Variants in LMLN observed in about 807,000 individuals in gnomAD.
LMLN encodes leishmanolysin like peptidase, also known as leishmanolysin-like peptidase.
LMLN carries 70 observed loss-of-function variants against 92.3 expected under a neutral mutation model. That is an observed-to-expected ratio of 0.76 (90% CI 0.63 to 0.92). LMLN has a LOEUF of 0.92. Among genes scored for constraint, LMLN ranks in the 40% least tolerant of loss-of-function variants. The pLI is 0.00. For missense variants in LMLN, 691 were observed against 814.6 expected, an observed-to-expected ratio of 0.85 and a Z score of 1.85; for synonymous variants, 308 against 296.2, an observed-to-expected ratio of 1.04 and a Z score of -0.41.
At chr3:198,014,631 A>C (rs1480157502) in intron 11 of LMLN, among the ~76,000 whole-genome samples, 1 of 116,842 alleles carries the variant, frequency 8.6e-6, no homozygotes, top group Admixed American at 8.5e-5. Flanking sequence ...CCCCCTAACT[A>C]GTCTGACTTC....
At position 198,035,814 on chromosome 3, in the gene LMLN, A is replaced by AT. The variant is rs750337225; in HGVS notation, c.1657-12dup. 5.7e-6 allele frequency: 9 copies of AT among 1,573,366 alleles called. No homozygotes were observed. The highest frequency in any genetic ancestry group is 2.2e-5 in the East Asian group (1 of 44,670). On this transcript the variant is annotated intron_variant, in intron 14 of 15. Coordinates refer to ENST00000330198, the Ensembl canonical transcript of LMLN. The stretch of plus-strand genomic sequence containing the variant: ...TGATATTTATTATTTTTATATATCT[A>AT]TTTTTTTCCTGTTTGAAGGTTTCTT...
chr3:198,005,115 ACG>A (rs1722256393), intron 11 of LMLN, among the ~76,000 whole-genome samples: 1 of 6,688 alleles, frequency 1.5e-4, no homozygotes, highest in African/African-American at 3.0e-4. Context: ...TACATATCAT[ACG>A]TAGTAAGTTT....
At chr3:198,017,416 C>T (rs1266391497) in intron 11 of LMLN, among the ~76,000 whole-genome samples, 1 of 149,908 alleles carries the variant, frequency 6.7e-6, no homozygotes, top group African/African-American at 2.5e-5. Context: ...GTAGGCAGAG[C>T]CATACTTCTT....
intron 7 of LMLN, 36 bp from the exon 8 acceptor site, chr3:197,985,760 T>G: frequency 2.1e-6 from 3 of 1,423,248 alleles, no homozygotes; most frequent in Middle Eastern, 1.7e-4. Flanking sequence ...GCCTTGATGT[T>G]TTTCACTTGA....
intron 11 of LMLN, among the ~76,000 whole-genome samples, chr3:198,017,116 CA>C (rs1722660731): frequency 2.0e-5 from 3 of 150,996 alleles, no homozygotes; most frequent in Admixed American, 2.0e-4. Context: ...AACCCTGTCT[CA>C]AAAACAAAAA....
intron 8 of LMLN, among the ~76,000 whole-genome samples, chr3:197,988,114 T>G (rs2109878573): frequency 6.6e-6 from 1 of 152,210 alleles, no homozygotes; most frequent in Non-Finnish European, 1.5e-5. Context: ...TTTTGCCATG[T>G]ATAGAAAAGT....
exon 16 of LMLN, chr3:198,039,580 T>C (rs1723341147): frequency 6.6e-6 from 1 of 151,892 alleles, no homozygotes; most frequent in African/African-American, 2.4e-5. Flanking sequence ...GCCTGCACGA[T>C]AGAGTTAGAC....
At chr3:198,027,631 C>T (rs191799481) in intron 14 of LMLN, among the ~76,000 whole-genome samples, 112 of 152,182 alleles carry the variant, frequency 7.4e-4, no homozygotes, top group African/African-American at 2.6e-3. Flanking sequence ...GTACCTGACT[C>T]CTTTTACTTA....
chr3:198,017,701 G>A lies in LMLN; in HGVS notation c.1233-1552G>A, dbSNP rs1387707347. ...TGGGAGGCAGAGGTGGGCAGATCAC[G>A]AGGTCCAGAGATTGAGACCATCCTG... On this transcript the variant is annotated intron_variant, in intron 11 of 15. Transcript: ENST00000330198. Among the ~76,000 whole-genome samples, 4 of 152,162 alleles carry A rather than the reference G, an allele frequency of 2.6e-5. No homozygotes were observed. In the South Asian group the frequency reaches 6.2e-4, roughly 24 times the overall value.
intron 11 of LMLN, 107 bp downstream of exon 12, chr3:198,003,232 C>A: frequency 1.6e-6 from 1 of 619,536 alleles, no homozygotes; most frequent in Non-Finnish European, 2.7e-6. Flanking sequence ...CTGAGCAGTT[C>A]AATTTTAAAA....
At chr3:197,996,343 A>G in intron 10 of LMLN, 61 bp downstream of exon 10, 1 of 1,123,030 alleles carries the variant, frequency 8.9e-7, no homozygotes. Flanking sequence ...TAATTATGGT[A>G]AAACTTATTC....
chr3:197,984,159 G>A (rs780989776), intron 7 of LMLN, 111 bp downstream of exon 7: 2 of 653,140 alleles, frequency 3.1e-6, no homozygotes, highest in Non-Finnish European at 5.4e-6. Flanking sequence ...CTAGACTCAT[G>A]TTCGTGCACA....
At chr3:198,024,326 C>G (rs1171847522) in intron 13 of LMLN, among the ~76,000 whole-genome samples, 1 of 151,664 alleles carries the variant, frequency 6.6e-6, no homozygotes, top group East Asian at 1.9e-4. Context: ...CGCCATTCTC[C>G]TGCCTCAGCC....
chr3:197,975,199 G>A, intron 3 of LMLN, 127 bp downstream of exon 3: 2 of 547,336 alleles, frequency 3.7e-6, no homozygotes, highest in Non-Finnish European at 3.2e-6. Context: ...TAGTGAAAGT[G>A]CTGATCATTT....
intron 11 of LMLN, among the ~76,000 whole-genome samples, chr3:197,999,943 T>G (rs1722126027): frequency 6.6e-6 from 1 of 152,224 alleles, no homozygotes; most frequent in African/African-American, 2.4e-5. Context: ...ATTTTTAAAT[T>G]ATAAAGGAAA....
chr3:197,968,985 G>A (rs572741490), intron 1 of LMLN, among the ~76,000 whole-genome samples: 1 of 152,124 alleles, frequency 6.6e-6, no homozygotes, highest in South Asian at 2.1e-4. Flanking sequence ...TGGACATGAA[G>A]TTTTTCATAA....
chr3:198,002,564 C>A (rs1011539209), intron 11 of LMLN, among the ~76,000 whole-genome samples: 2 of 152,116 alleles, frequency 1.3e-5, no homozygotes, highest in African/African-American at 4.8e-5. Flanking sequence ...ATAGTGAAAC[C>A]CCGTCTCTAC....
At chr3:197,981,962 G>A (rs1314185107) in intron 6 of LMLN, among the ~76,000 whole-genome samples, 1 of 151,992 alleles carries the variant, frequency 6.6e-6, no homozygotes, top group Non-Finnish European at 1.5e-5. Flanking sequence ...GCGCCACTGC[G>A]CCCAACTAAT....
At chr3:197,980,410 G>A (rs756452687) in exon 6 of LMLN, 1 of 1,614,094 alleles carries the variant, frequency 6.2e-7, no homozygotes, top group Non-Finnish European at 8.5e-7. Context: ...TGCAGACTTT[G>A]TTCTTTACGT....
Sources: allele counts gnomAD v4.1 joint callset (sites outside exome capture counted in the v4.1 genomes callset), GRCh38; gene constraint gnomAD v4.1.1; transcripts MANE v1.5; gene names NCBI Gene and HGNC (gene_info 2026-07-23, HGNC 2026-07-21).